The following NCDN variants were observed in gnomAD, a reference collection of about 807,000 sequenced individuals.
NCDN encodes neurochondrin, also known as norbin.
A neutral mutation model predicts 60.7 loss-of-function variants in NCDN; 9 were observed. The observed-to-expected ratio is 0.15, with a 90% CI of 0.09 to 0.26. The LOEUF (loss-of-function observed/expected upper bound fraction) is 0.26, where lower values mean the gene tolerates loss of function less well. Ranked by LOEUF, NCDN falls within the 10% of genes least tolerant of loss-of-function variation. The probability of loss-of-function intolerance (pLI) is 1.00; values close to 1 mark genes in which losing one functional copy is unlikely to be tolerated. For missense variants in NCDN, 578 were observed against 975.2 expected, an observed-to-expected ratio of 0.59 and a Z score of 5.42; for synonymous variants, 409 against 442.5, an observed-to-expected ratio of 0.92 and a Z score of 0.95.
rs1431510856 is a variant in NCDN, at chr1:35,561,802, G to C, written c.1143+508G>C. Among the ~76,000 whole-genome samples, 3 of 152,130 alleles carry C rather than the reference G, an allele frequency of 2.0e-5. No individual in the cohort carries two copies. The highest frequency in any genetic ancestry group is 2.0e-4 in the Admixed American group (3 of 15,284). ...CCCCTCCTGCCTCCCCGCCTGAGAG[G>C]CCAGCTGTCCTGTCCCACAGGGATT... On this transcript the variant is annotated intron_variant, in intron 3 of 6. Coordinates refer to ENST00000373243, the MANE Select transcript of NCDN (RefSeq NM_014284.3). This position sits in a 1 kb window ranked among gnomAD's most constrained non-coding sequence, Gnocchi z 4.9.
In NCDN at chr1:35,560,241, A is replaced by G. The variant is rs1453260252; in HGVS notation, c.175-85A>G. On this transcript the variant is annotated intron_variant, in intron 2 of 6. Coordinates refer to ENST00000373243, the MANE Select transcript of NCDN (RefSeq NM_014284.3). This position sits in a 1 kb window ranked among gnomAD's most constrained non-coding sequence, Gnocchi z 7.6. Reference sequence around the variant, plus strand: ...TCCTGTTGCATAACCTCATCTTGCTAGTCCTCAGTGCCCCAGGATGCAGGA... The same window carrying G: ...TCCTGTTGCATAACCTCATCTTGCTGGTCCTCAGTGCCCCAGGATGCAGGA... 6.7e-7 allele frequency: 1 copy of G among 1,500,880 alleles called. No individual in the cohort carries two copies. The highest frequency in any genetic ancestry group is 1.4e-5 in the African/African-American group (1 of 72,360). 93.0% of individuals were successfully genotyped at this position (1,500,880 alleles called of 1,614,324 possible).
In NCDN at chr1:35,561,336, G is replaced by A. The variant is rs771692573; in HGVS notation, c.1143+42G>A. 2 of 1,532,364 alleles carry A rather than the reference G, an allele frequency of 1.3e-6. No individual in the cohort carries two copies. The highest frequency in any genetic ancestry group is 2.3e-5 in the East Asian group (1 of 44,296). 94.9% of individuals were successfully genotyped at this position (1,532,364 alleles called of 1,614,324 possible). A position where few individuals can be genotyped will look rare whatever the true frequency, so the allele number is the denominator to read the frequency against. ...CCACAGAGGGGGCCCAGTATGGGGG[G>A]AGCCAGTGCTGGAGCTGGGAGGCAA... is the stretch of plus-strand genomic sequence containing the variant. On this transcript the variant is annotated intron_variant, in intron 3 of 6. Coordinates refer to ENST00000373243, the MANE Select transcript of NCDN (RefSeq NM_014284.3). This position sits in a 1 kb window ranked among gnomAD's most constrained non-coding sequence, Gnocchi z 4.9.
At position 35,562,576 on chromosome 1, in the gene NCDN, C is replaced by T. The variant is rs762796673; in HGVS notation, c.1328C>T (p.Ala443Val). 1 of 1,613,990 alleles carries T rather than the reference C, an allele frequency of 6.2e-7. No homozygotes were observed. The highest frequency in any genetic ancestry group is 1.1e-5 in the South Asian group (1 of 91,056). ...GCCAATGACCTTTCCCAGCAGGTGGCCAACCTGGCCATCTCCCCCACCACC... is the reference window on the plus strand; with the variant it reads ...GCCAATGACCTTTCCCAGCAGGTGGTCAACCTGGCCATCTCCCCCACCACC... ...EEANDLSQQVANLAISPTTPG... is the reference protein window; with the variant it reads ...EEANDLSQQVVNLAISPTTPG... Residue 443 changes from alanine to valine, a missense_variant, in exon 4 of 7, where the codon GCC becomes GTC. Coordinates refer to ENST00000373243, the MANE Select transcript of NCDN (RefSeq NM_014284.3). This position sits in a 1 kb window ranked among gnomAD's most constrained non-coding sequence, Gnocchi z 6.8.
Position 35,558,802 on chromosome 1 carries a change from C to G in NCDN, c.34-305C>G, listed in dbSNP as rs1648536760. On this transcript the variant is annotated intron_variant, in intron 1 of 6. Transcript: ENST00000373243. This position sits in a 1 kb window ranked among gnomAD's most constrained non-coding sequence, Gnocchi z 6.3. ...GACAGCTGAGCAGTGGGGCCAGCTC[C>G]CGCCCACCCCCAGGAGACTGGTGAG... 16 of 863,130 alleles carry G rather than the reference C, an allele frequency of 1.9e-5. No homozygotes were observed. Among genetic ancestry groups the G allele is most frequent in the Non-Finnish European group, 2.2e-5 (14 of 639,644 alleles). 53.5% of individuals were successfully genotyped at this position (863,130 alleles called of 1,614,324 possible).
chr1:35,559,724 C>G (rs1033221018), intron 2 of NCDN, among the ~76,000 whole-genome samples: 3 of 133,960 alleles, frequency 2.2e-5, no homozygotes, highest in South Asian at 4.5e-4. Context: ...AGAGCAGAAG[C>G]TGCAGTGCTA....
chr1:35,560,214 A>T lies in NCDN; in HGVS notation c.175-112A>T, dbSNP rs1648648081. 1 of 1,364,608 alleles carries T rather than the reference A, an allele frequency of 7.3e-7. No individual in the cohort carries two copies. Among genetic ancestry groups the T allele is most frequent in the Non-Finnish European group, 1.0e-6 (1 of 1,002,776 alleles). 84.5% of individuals were successfully genotyped at this position (1,364,608 alleles called of 1,614,324 possible). On this transcript the variant is annotated intron_variant, in intron 2 of 6. Transcript: ENST00000373243. This position sits in a 1 kb window ranked among gnomAD's most constrained non-coding sequence, Gnocchi z 7.6. ...GAGCTGGATGAAATGACCTCAGATG[A>T]GTCCTGTTGCATAACCTCATCTTGC...
Position 35,563,119 on chromosome 1 carries a change from T to G in NCDN, c.1386-83T>G, listed in dbSNP as rs1481946048. 2.3e-6 allele frequency: 3 copies of G among 1,278,400 alleles called. No individual in the cohort carries two copies. Among genetic ancestry groups the G allele is most frequent in the Non-Finnish European group, 3.2e-6 (3 of 937,496 alleles). The allele number at this position is 1,278,400 out of a possible 1,614,324, so 79.2% of individuals were successfully genotyped here. ...TCCTTCTCCCCTACTTCCATTTCTC[T>G]TAGGCAAGGTGCCCTAAAAAGGGAA... On this transcript the variant is annotated intron_variant, in intron 4 of 6. Transcript: ENST00000373243. The surrounding 1 kb of genome is among the most constrained non-coding windows in gnomAD (Gnocchi z 6.6).
Position 35,558,144 on chromosome 1 carries a change from G to C in NCDN, c.-47G>C, listed in dbSNP as rs756045292. On this transcript the variant is annotated 5_prime_UTR_variant, in exon 1 of 7. Transcript: ENST00000373243. This position sits in a 1 kb window ranked among gnomAD's most constrained non-coding sequence, Gnocchi z 6.3. ...CGTGATCTCTCCGTGACATCACCGCGCCATCGTGAAGTGTGATCTCATCGC... is the reference window on the plus strand; with the variant it reads ...CGTGATCTCTCCGTGACATCACCGCCCCATCGTGAAGTGTGATCTCATCGC... 1 of 1,611,530 alleles carries C rather than the reference G, an allele frequency of 6.2e-7. No homozygotes were observed. Among genetic ancestry groups the C allele is most frequent in the Non-Finnish European group, 8.5e-7 (1 of 1,178,330 alleles).
In NCDN at chr1:35,563,769, G is replaced by A. The variant is rs911036691; in HGVS notation, c.1613G>A (p.Arg538His). The A allele has an allele frequency of 9.3e-6, 15 of 1,612,844 alleles. No individual in the cohort carries two copies. Among genetic ancestry groups the A allele is most frequent in the East Asian group, 4.5e-5 (2 of 44,816 alleles). The change falls in exon 6 of 7, where the codon CGT becomes CAT. Residue 538 changes from arginine (R) to histidine (H), a missense_variant and splice_region_variant. This residue lies in a region of NCDN where 191 missense variants were observed against 372.1 expected (regional missense o/e 0.51). Transcript: ENST00000373243. The surrounding 1 kb of genome is among the most constrained non-coding windows in gnomAD (Gnocchi z 6.6). ...LVVTAPGLIK[R>H]DACFTSLMNT... ...TCCTTCCCCCCTTTCTTTTCCAGGC[G>A]TGACGCCTGCTTCACATCTCTAATG...
Position 35,558,591 on chromosome 1 carries a change from C to G in NCDN, c.33+368C>G. On this transcript the variant is annotated intron_variant, in intron 1 of 6. Coordinates refer to ENST00000373243, the MANE Select transcript of NCDN (RefSeq NM_014284.3). The surrounding 1 kb of genome is among the most constrained non-coding windows in gnomAD (Gnocchi z 6.3). ...GCGTCTTGTATTCTCACTTCTGAAG[C>G]GTATCTCTGCCTCTGAAGAAGGGAG... is the stretch of plus-strand genomic sequence containing the variant. 1 of 1,209,762 alleles carries G rather than the reference C, an allele frequency of 8.3e-7. No individual in the cohort carries two copies. The highest frequency in any genetic ancestry group is 1.0e-6 in the Non-Finnish European group (1 of 966,658). 74.9% of individuals were successfully genotyped at this position (1,209,762 alleles called of 1,614,324 possible).
chr1:35,561,117 G>A lies in NCDN; in HGVS notation c.966G>A (p.Leu322=). ...NLACVEVRLA[L]EETGTEVKED... is the part of the protein sequence containing the mutation. ...CGTGCGTGGAAGTGCGGCTGGCACT[G>A]GAGGAGACGGGCACGGAGGTGAAAG... The change falls in exon 3 of 7, where the codon CTG becomes CTA. Residue 322 remains leucine, a synonymous_variant. Coordinates refer to ENST00000373243, the MANE Select transcript of NCDN (RefSeq NM_014284.3). This position sits in a 1 kb window ranked among gnomAD's most constrained non-coding sequence, Gnocchi z 4.9. 1 of 1,613,368 alleles carries A rather than the reference G, an allele frequency of 6.2e-7. No individual in the cohort carries two copies.
rs1388015799 is a variant in NCDN at position 35,561,837 on chromosome 1, C to G, written c.1143+543C>G. On this transcript the variant is annotated intron_variant, in intron 3 of 6. Transcript: ENST00000373243. The surrounding 1 kb of genome is among the most constrained non-coding windows in gnomAD (Gnocchi z 4.9). ...CTGTCCCACAGGGATTCAGTCATGA[C>G]TCTGGTCTCTTTAATGGCCTGCTCC... Among the ~76,000 whole-genome samples the G allele has an allele frequency of 6.6e-6, 1 of 152,124 alleles. No homozygotes were observed. The highest frequency in any genetic ancestry group is 1.9e-4 in the East Asian group (1 of 5,188).
Position 35,558,386 on chromosome 1 carries a change from G to T in NCDN, c.33+163G>T. Reference sequence around the variant, plus strand: ...ATCCACAGGCTGGTAGCGGGACGGGGAGGGCGAGAAGAGGGAGCGCAAGGG... The same window carrying T: ...ATCCACAGGCTGGTAGCGGGACGGGTAGGGCGAGAAGAGGGAGCGCAAGGG... On this transcript the variant is annotated intron_variant, in intron 1 of 6. Coordinates refer to ENST00000373243, the MANE Select transcript of NCDN (RefSeq NM_014284.3). This position sits in a 1 kb window ranked among gnomAD's most constrained non-coding sequence, Gnocchi z 6.3. The T allele has an allele frequency of 6.6e-7, 1 of 1,504,130 alleles. No individual in the cohort carries two copies. 93.2% of individuals were successfully genotyped at this position (1,504,130 alleles called of 1,614,324 possible).
Position 35,565,409 on chromosome 1 carries a change from G to A in NCDN, c.1936G>A (p.Gly646Ser), listed in dbSNP as rs1648838749. 4 of 1,612,888 alleles carry A rather than the reference G, an allele frequency of 2.5e-6. No homozygotes were observed. The highest frequency in any genetic ancestry group is 3.4e-6 in the Non-Finnish European group (4 of 1,179,412). Residue 646 changes from glycine to serine, a missense_variant, in exon 7 of 7, where the codon GGC becomes AGC. Gly to Ser is a moderately conservative substitution (Grantham distance 56). Transcript: ENST00000373243. This position sits in a 1 kb window ranked among gnomAD's most constrained non-coding sequence, Gnocchi z 8.9. ...GTTCCTGGGCATGCAGGCCTTCACC[G>A]GCTGTGTGCCTCTGCTGCCCTGGCT... ...LWFLGMQAFT[G>S]CVPLLPWLAP...
chr1:35,557,862 C>A lies in NCDN; in HGVS notation c.-329C>A. The stretch of plus-strand genomic sequence containing the variant: ...GGAGCATCGCGCTGGGAGAAGACTT[C>A]GCCGCTCGGGGCCGCAGCCTGGTGA... On this transcript the variant is annotated 5_prime_UTR_variant, in exon 1 of 7. Transcript: ENST00000373243. 1.7e-6 allele frequency: 1 copy of A among 595,714 alleles called. No individual in the cohort carries two copies. The highest frequency in any genetic ancestry group is 3.1e-6 in the Non-Finnish European group (1 of 318,986). The allele number at this position is 595,714 out of a possible 1,614,324, so 36.9% of individuals were successfully genotyped here.
rs768786946 is a variant in NCDN, at chr1:35,558,186, C to T, written c.-5C>T. 1.9e-6 allele frequency: 3 copies of T among 1,614,114 alleles called. No homozygotes were observed. The Admixed American group carries it at 5.0e-5, about 27-fold the overall frequency. On this transcript the variant is annotated 5_prime_UTR_variant, in exon 1 of 7. Transcript: ENST00000373243. This position sits in a 1 kb window ranked among gnomAD's most constrained non-coding sequence, Gnocchi z 6.3. Reference sequence around the variant, plus strand: ...TCTCATCGCCGCCCTGTCGTGACTTCATCAATGTCGTGTTGTGACCTGGCT... The same window carrying T: ...TCTCATCGCCGCCCTGTCGTGACTTTATCAATGTCGTGTTGTGACCTGGCT...
Position 35,558,529 on chromosome 1 carries a change from G to A in NCDN, c.33+306G>A. The A allele has an allele frequency of 1.5e-6, 2 of 1,348,862 alleles. No homozygotes were observed. Among genetic ancestry groups the A allele is most frequent in the Non-Finnish European group, 9.5e-7 (1 of 1,049,968 alleles). The allele number at this position is 1,348,862 out of a possible 1,614,324, so 83.6% of individuals were successfully genotyped here. ...GACTGAGAGCCCTGGCTGGAGGGGTGGGGTCCCCAAAGGGGCCTCCAAGCC... is the reference window on the plus strand; with the variant it reads ...GACTGAGAGCCCTGGCTGGAGGGGTAGGGTCCCCAAAGGGGCCTCCAAGCC... On this transcript the variant is annotated intron_variant, in intron 1 of 6. Coordinates refer to ENST00000373243, the MANE Select transcript of NCDN (RefSeq NM_014284.3). This position sits in a 1 kb window ranked among gnomAD's most constrained non-coding sequence, Gnocchi z 6.3.
chr1:35,558,432 C>A lies in NCDN; in HGVS notation c.33+209C>A. 7.0e-7 allele frequency: 1 copy of A among 1,436,178 alleles called. No individual in the cohort carries two copies. Among genetic ancestry groups the A allele is most frequent in the Non-Finnish European group, 9.1e-7 (1 of 1,098,746 alleles). The allele number at this position is 1,436,178 out of a possible 1,614,324, so 89.0% of individuals were successfully genotyped here. ...AAGGGGTTAATTCTGCTGCTGCCGCCGCCGCTGCTGCTGCTGCTGCAGCCT... is the reference window on the plus strand; with the variant it reads ...AAGGGGTTAATTCTGCTGCTGCCGCAGCCGCTGCTGCTGCTGCTGCAGCCT... On this transcript the variant is annotated intron_variant, in intron 1 of 6. Coordinates refer to ENST00000373243, the MANE Select transcript of NCDN (RefSeq NM_014284.3). The surrounding 1 kb of genome is among the most constrained non-coding windows in gnomAD (Gnocchi z 6.3).
Position 35,558,543 on chromosome 1 carries a change from G to A in NCDN, c.33+320G>A. 2.3e-6 allele frequency: 3 copies of A among 1,331,670 alleles called. No homozygotes were observed. The highest frequency in any genetic ancestry group is 2.9e-6 in the Non-Finnish European group (3 of 1,039,696). 82.5% of individuals were successfully genotyped at this position (1,331,670 alleles called of 1,614,324 possible). The stretch of plus-strand genomic sequence containing the variant: ...GCTGGAGGGGTGGGGTCCCCAAAGG[G>A]GCCTCCAAGCCTTCCCTGTTGAGCG... On this transcript the variant is annotated intron_variant, in intron 1 of 6. Coordinates refer to ENST00000373243, the MANE Select transcript of NCDN (RefSeq NM_014284.3). The surrounding 1 kb of genome is among the most constrained non-coding windows in gnomAD (Gnocchi z 6.3).
Sources: allele counts gnomAD v4.1 joint callset (sites outside exome capture counted in the v4.1 genomes callset), GRCh38; gene constraint gnomAD v4.1.1; regional missense constraint gnomAD v4.1.1; non-coding constraint Gnocchi (gnomAD v3.1); transcripts MANE v1.5; gene names NCBI Gene and HGNC (gene_info 2026-07-23, HGNC 2026-07-21).